The following RYR3 variants were observed in gnomAD, a reference collection of about 807,000 sequenced individuals.
The protein encoded by RYR3 is ryanodine receptor 3, also known as brain ryanodine receptor-calcium release channel.
A neutral mutation model predicts 584.3 loss-of-function variants in RYR3; 207 were observed. The observed-to-expected ratio is 0.35, with a 90% CI of 0.32 to 0.40. The LOEUF (loss-of-function observed/expected upper bound fraction) is 0.40. Ranked by LOEUF, RYR3 falls within the 10% of genes least tolerant of loss-of-function variation. The pLI is 1.00. For synonymous variants in RYR3, 2,416 were observed against 2,248.5 expected (o/e 1.07, Z -2.11); for missense variants, 5,616 against 6,089.2 (o/e 0.92, Z 2.59).
At chr15:33,538,099 A>G (rs1003667499) in intron 5 of RYR3, among the ~76,000 whole-genome samples, 13 of 151,992 alleles carry the variant, frequency 8.6e-5, no homozygotes, top group Non-Finnish European at 1.2e-4. Context: ...ATTAATTATA[A>G]GATTTTTTAA....
chr15:33,360,071 C>T (rs926772594), intron 1 of RYR3, among the ~76,000 whole-genome samples: 2 of 152,036 alleles, frequency 1.3e-5, no homozygotes, highest in South Asian at 2.1e-4. Flanking sequence ...TCACAAGTTC[C>T]GGGATTTTGT....
chr15:33,821,492 T>C (rs1198845231), intron 79 of RYR3, 31 bp from the exon 80 acceptor site: 4 of 1,612,458 alleles, frequency 2.5e-6, no homozygotes, highest in Non-Finnish European at 3.4e-6. Flanking sequence ...TCTGTTTCCT[T>C]GGTGATTCAA....
At chr15:33,735,149 C>G (rs545762830) in intron 48 of RYR3, among the ~76,000 whole-genome samples, 12 of 152,082 alleles carry the variant, frequency 7.9e-5, no homozygotes, top group Non-Finnish European at 1.3e-4. Flanking sequence ...GTCAGGAATT[C>G]ACAGAATTAC....
intron 3 of RYR3, among the ~76,000 whole-genome samples, chr15:33,527,954 G>T (rs1200431546): frequency 2.0e-5 from 3 of 152,130 alleles, no homozygotes; most frequent in Admixed American, 1.3e-4. Context: ...TTTGGAGGTG[G>T]CACCGAAAGA....
chr15:33,670,682 G>A (rs1030394531), intron 38 of RYR3, 126 bp downstream of exon 38: 2 of 936,676 alleles, frequency 2.1e-6, no homozygotes, highest in East Asian at 2.9e-5. Flanking sequence ...TGGGCAGTAT[G>A]TTATAATTGC....
intron 74 of RYR3, 28 bp from the exon 75 acceptor site, chr15:33,816,834 T>G: frequency 6.7e-7 from 1 of 1,492,050 alleles, no homozygotes; most frequent in Non-Finnish European, 9.3e-7. Context: ...GGATCCCTCT[T>G]GACCTCCCTC....
At chr15:33,770,734 C>CA (rs201491728) in intron 62 of RYR3, among the ~76,000 whole-genome samples, 1,952 of 142,578 alleles carry the variant, frequency 0.014, 49 homozygotes, top group African/African-American at 0.046. Context: ...GACCCCATCT[C>CA]AAAAAAAAAA....
At chr15:33,837,028 A>C in intron 88 of RYR3, 41 bp downstream of exon 88, 1 of 1,479,366 alleles carries the variant, frequency 6.8e-7, no homozygotes, top group Non-Finnish European at 9.4e-7. Flanking sequence ...CACAACTGTA[A>C]TTGGTCTGAG....
intron 57 of RYR3, among the ~76,000 whole-genome samples, chr15:33,752,478 T>C (rs1202585165): frequency 6.6e-6 from 1 of 152,242 alleles, no homozygotes; most frequent in Admixed American, 6.5e-5. Context: ...AGTTATTTTA[T>C]TCTCTTTGTA....
chr15:33,739,195 A>C lies in RYR3; in HGVS notation c.7656+605A>C, dbSNP rs115901543. 9.9e-3 allele frequency among the ~76,000 whole-genome samples: 1,502 copies of C among 152,322 alleles called. 30 individuals are homozygous for C. Among genetic ancestry groups the C allele is most frequent in the African/African-American group, 0.035 (1,446 of 41,564 alleles). On this transcript the variant is annotated intron_variant, in intron 50 of 103. Coordinates refer to ENST00000634891, the MANE Select transcript of RYR3 (RefSeq NM_001036.6). ...GTGAGGTCAGGAGCTTTAAAGGTAG[A>C]AAATGAGTAGGTCTGGTTTTCTTAG...
chr15:33,566,468 C>G (rs1196429363), intron 11 of RYR3, among the ~76,000 whole-genome samples: 3 of 152,178 alleles, frequency 2.0e-5, no homozygotes, highest in Non-Finnish European at 4.4e-5. Flanking sequence ...TCATTTTCAT[C>G]AAAGCGCTGT....
chr15:33,325,736 TCCTTCCTTCCTTCCTTCCTTC>T (rs1259389577), intron 1 of RYR3, among the ~76,000 whole-genome samples: 3 of 47,112 alleles, frequency 6.4e-5, no homozygotes, highest in African/African-American at 4.3e-4. Flanking sequence ...CTTCCTTCCT[TCCTTCCTTCCTTCCTTCCTTC>T]CTTCCTTCCT....
At chr15:33,827,385 G>A (rs2077433395) in intron 85 of RYR3, 98 bp downstream of exon 85, 1 of 1,094,494 alleles carries the variant, frequency 9.1e-7, no homozygotes, top group Non-Finnish European at 1.4e-6. Context: ...ATACAGTCAA[G>A]CCCCTATAAG....
At chr15:33,645,375 T>C (rs916295797) in intron 28 of RYR3, among the ~76,000 whole-genome samples, 1 of 152,204 alleles carries the variant, frequency 6.6e-6, no homozygotes, top group Non-Finnish European at 1.5e-5. Context: ...GCAGCTTTAG[T>C]CAAGTTAGAT....
At chr15:33,631,673 G>A (rs115860135) in intron 23 of RYR3, among the ~76,000 whole-genome samples, 12 of 152,278 alleles carry the variant, frequency 7.9e-5, no homozygotes, top group African/African-American at 2.9e-4. Flanking sequence ...TGTGGAAGGG[G>A]TATCTCTGCC....
chr15:33,618,554 T>C (rs1323258593), intron 19 of RYR3, among the ~76,000 whole-genome samples: 4 of 152,238 alleles, frequency 2.6e-5, no homozygotes, highest in Non-Finnish European at 5.9e-5. Flanking sequence ...GTCTTAGCGA[T>C]AGGGGCTAAA....
chr15:33,417,033 A>G (rs920253741), intron 1 of RYR3, among the ~76,000 whole-genome samples: 1 of 151,978 alleles, frequency 6.6e-6, no homozygotes, highest in Non-Finnish European at 1.5e-5. Flanking sequence ...GTCCCTATTC[A>G]GTTCTATTCA....
intron 16 of RYR3, 100 bp from the exon 17 acceptor site, chr15:33,601,319 C>A: frequency 8.0e-7 from 1 of 1,245,708 alleles, no homozygotes; most frequent in South Asian, 1.4e-5. Flanking sequence ...CGTCACCTAG[C>A]CCCCACCCTT....
intron 1 of RYR3, among the ~76,000 whole-genome samples, chr15:33,453,670 G>A (rs191381370): frequency 6.6e-6 from 1 of 152,138 alleles, no homozygotes; most frequent in Non-Finnish European, 1.5e-5. Context: ...ATGTGGAGTT[G>A]CATCGTCTTT....
Sources: allele counts gnomAD v4.1 joint callset (sites outside exome capture counted in the v4.1 genomes callset), GRCh38; gene constraint gnomAD v4.1.1; transcripts MANE v1.5; gene names NCBI Gene and HGNC (gene_info 2026-07-23, HGNC 2026-07-21).